Variants in CD47 observed in about 807,000 individuals in gnomAD.
The protein encoded by CD47 is leukocyte surface antigen CD47.
CD47 carries 11 observed loss-of-function variants against 44.6 expected under a neutral mutation model. The ratio of observed to expected loss-of-function variants is 0.25; its 90% CI spans 0.16 to 0.41. The LOEUF is 0.41. Ranked by LOEUF, CD47 falls within the 10% of genes least tolerant of loss-of-function variation. The pLI is 1.00. For missense variants in CD47, 306 were observed against 386.7 expected (o/e 0.79, Z 1.75); for synonymous variants, 140 against 136.3 (o/e 1.03, Z -0.19).
intron 2 of CD47, 54 bp downstream of exon 2, chr3:108,079,937 A>C (rs1428714597): frequency 8.2e-7 from 1 of 1,215,342 alleles, no homozygotes; most frequent in Non-Finnish European, 1.2e-6. Context: ...CTCTCGAAAG[A>C]GGATCAGGTT....
chr3:108,090,876 G>A lies in CD47; in HGVS notation c.33C>T (p.Gly11=), dbSNP rs1461507361. 5.4e-6 allele frequency: 8 copies of A among 1,493,200 alleles called. No homozygotes were observed. Among genetic ancestry groups the A allele is most frequent in the Non-Finnish European group, 7.1e-6 (8 of 1,127,478 alleles). 92.5% of individuals were successfully genotyped at this position (1,493,200 alleles called of 1,614,324 possible). A position where few individuals can be genotyped will look rare whatever the true frequency, so the allele number is the denominator to read the frequency against. Reference sequence around the variant, plus strand: ...GGAGCCACTCACCGCAGCACGCCGAGCCCAGCAACAGCGCCGCTACCAGGG... The same window carrying A: ...GGAGCCACTCACCGCAGCACGCCGAACCCAGCAACAGCGCCGCTACCAGGG... MWPLVAALLL[G]SACCGSAQLL... The change falls in exon 1 of 11, where the codon GGC becomes GGT. Residue 11 remains glycine, a synonymous_variant. Transcript: ENST00000361309.
In CD47 at chr3:108,090,924, G is replaced by T; in HGVS notation, c.-16C>A. 6.8e-7 allele frequency: 1 copy of T among 1,467,456 alleles called. No individual in the cohort carries two copies. The allele number at this position is 1,467,456 out of a possible 1,614,324, so 90.9% of individuals were successfully genotyped here. A position where few individuals can be genotyped will look rare whatever the true frequency, so the allele number is the denominator to read the frequency against. ...GGGGCCACATCTCCGCGCCCGCCGC[G>T]GGGTCGCCGCCGCCGCCGCAGGTGT... On this transcript the variant is annotated 5_prime_UTR_variant, in exon 1 of 11. Coordinates refer to ENST00000361309, the MANE Select transcript of CD47 (RefSeq NM_001777.4).
chr3:108,052,331 T>C (rs1264853407), intron 7 of CD47: 2 of 218,536 alleles, frequency 9.2e-6, no homozygotes, highest in Admixed American at 5.4e-5. Flanking sequence ...ACCCAGAGTG[T>C]AGACAGAATG....
intron 3 of CD47, among the ~76,000 whole-genome samples, chr3:108,064,771 T>C (rs556481175): frequency 3.2e-4 from 49 of 152,234 alleles, no homozygotes; most frequent in Non-Finnish European, 6.2e-4. Flanking sequence ...GAATAAATCA[T>C]AAAGAAAGAT....
intron 2 of CD47, among the ~76,000 whole-genome samples, chr3:108,072,273 AAC>A (rs2079217094): frequency 6.6e-6 from 1 of 152,198 alleles, no homozygotes; most frequent in South Asian, 2.1e-4. Flanking sequence ...CTCTGAAATC[AAC>A]ACTTCTTTCA....
At chr3:108,060,403 A>G (rs1487940807) in intron 4 of CD47, among the ~76,000 whole-genome samples, 5 of 152,224 alleles carry the variant, frequency 3.3e-5, no homozygotes. Context: ...ACAGAGGCAA[A>G]GACATAGAGG....
intron 2 of CD47, among the ~76,000 whole-genome samples, chr3:108,072,396 C>T (rs753561500): frequency 1.2e-4 from 18 of 152,146 alleles, no homozygotes; most frequent in Non-Finnish European, 2.1e-4. Context: ...TATAATAAGT[C>T]CTGGTAAAAT....
At chr3:108,071,332 C>T in intron 2 of CD47, 150 bp from the exon 3 acceptor site, 1 of 519,540 alleles carries the variant, frequency 1.9e-6, no homozygotes, top group Non-Finnish European at 3.5e-6. Flanking sequence ...TACATACACA[C>T]ATATACATAA....
intron 7 of CD47, chr3:108,055,621 T>C (rs1425883874): frequency 1.2e-5 from 12 of 993,724 alleles, no homozygotes; most frequent in Non-Finnish European, 1.4e-5. Context: ...TCAATAAAAT[T>C]AGGACACTAT....
intron 3 of CD47, among the ~76,000 whole-genome samples, chr3:108,065,809 C>A (rs1197756690): frequency 4.0e-5 from 2 of 49,448 alleles, no homozygotes; most frequent in Non-Finnish European, 6.7e-5. Context: ...GAGACTCCGT[C>A]TCAAAAAAAA....
intron 10 of CD47, among the ~76,000 whole-genome samples, chr3:108,048,221 A>T (rs2108216457): frequency 6.6e-6 from 1 of 152,212 alleles, no homozygotes; most frequent in South Asian, 2.1e-4. Context: ...TATTCCTGTG[A>T]ACTATAGTCT....
At chr3:108,081,685 G>A (rs1315228571) in intron 1 of CD47, among the ~76,000 whole-genome samples, 1 of 151,928 alleles carries the variant, frequency 6.6e-6, no homozygotes, top group African/African-American at 2.4e-5. Context: ...TCTTAAGTAG[G>A]AGGATCAAAA....
At chr3:108,070,125 T>C (rs561733368) in intron 3 of CD47, among the ~76,000 whole-genome samples, 3 of 152,314 alleles carry the variant, frequency 2.0e-5, no homozygotes, top group African/African-American at 2.4e-5. Flanking sequence ...TCCATGTTTA[T>C]ACACCACCAT....
chr3:108,059,324 C>T, intron 5 of CD47, 128 bp downstream of exon 5: 1 of 455,348 alleles, frequency 2.2e-6, no homozygotes. Flanking sequence ...CTAAGAATAG[C>T]ATGAAAAATC....
intron 10 of CD47, among the ~76,000 whole-genome samples, chr3:108,048,369 G>GGGTT (rs2078755443): frequency 8.8e-6 from 1 of 113,002 alleles, no homozygotes; most frequent in East Asian, 2.7e-4. Context: ...CATGACTGGA[G>GGGTT]TGTTTTTTTT....
rs939411970 is a variant in CD47, at chr3:108,046,060, T to A, written c.*1228A>T. On this transcript the variant is annotated 3_prime_UTR_variant, in exon 11 of 11. Coordinates refer to ENST00000361309, the MANE Select transcript of CD47 (RefSeq NM_001777.4). The stretch of plus-strand genomic sequence containing the variant: ...AGGTAAAAAACGAATGCTAAAAGTC[T>A]AAAAGTACTCCAGGCGATCACAACT... 2 of 152,252 alleles carry A rather than the reference T, an allele frequency of 1.3e-5. No homozygotes were observed. The highest frequency in any genetic ancestry group is 4.8e-5 in the African/African-American group (2 of 41,460). The allele number at this position is 152,252 out of a possible 1,614,324, so 9.4% of individuals were successfully genotyped here.
In CD47 at chr3:108,065,910, T is replaced by C. The variant is rs148550434; in HGVS notation, c.491-5058A>G. Among the ~76,000 whole-genome samples the C allele has an allele frequency of 3.4e-3, 523 of 151,610 alleles. 6 individuals are homozygous for C. Among genetic ancestry groups the C allele is most frequent in the African/African-American group, 0.012 (501 of 41,302 alleles). Reference sequence around the variant, plus strand: ...GGCCATCAACCAGGTCACAGAATGATTCTTTGTGATAATATTTATTGTATA... The same window carrying C: ...GGCCATCAACCAGGTCACAGAATGACTCTTTGTGATAATATTTATTGTATA... On this transcript the variant is annotated intron_variant, in intron 3 of 10. Coordinates refer to ENST00000361309, the MANE Select transcript of CD47 (RefSeq NM_001777.4).
At chr3:108,079,219 G>T (rs1482763944) in intron 2 of CD47, among the ~76,000 whole-genome samples, 13 of 151,906 alleles carry the variant, frequency 8.6e-5, no homozygotes, top group Non-Finnish European at 2.9e-5. Context: ...AAAACAGAAA[G>T]AACATACTCA....
Position 108,089,071 on chromosome 3 carries a change from A to G in CD47, c.46+1792T>C, listed in dbSNP as rs142706278. On this transcript the variant is annotated intron_variant, in intron 1 of 10. Transcript: ENST00000361309. ...TCAAACCCTTGGTTTATAACTACCT[A>G]TGTGCTGAGACATCTTTCTTCATAC... Among the ~76,000 whole-genome samples, 1,196 of 152,322 alleles carry G rather than the reference A, an allele frequency of 7.9e-3. 13 individuals carry two copies. The highest frequency in any genetic ancestry group is 0.028 in the African/African-American group (1,152 of 41,566).
Sources: gnomAD v4.1 joint callset for allele counts (sites outside exome capture counted in the v4.1 genomes callset) on GRCh38, gnomAD v4.1.1 for gene constraint, MANE v1.5 for transcripts, NCBI Gene and HGNC (gene_info 2026-07-23, HGNC 2026-07-21) for gene names.